The following COL25A1 variants were observed in gnomAD, a reference collection of about 807,000 sequenced individuals.
COL25A1 encodes collagen type XXV alpha 1 chain, also known as collagen alpha-1(XXV) chain.
COL25A1 carries 103 observed loss-of-function variants against 128.4 expected under a neutral mutation model. The observed-to-expected ratio is 0.80, with a 90% confidence interval of 0.68 to 0.94. The LOEUF is 0.94. Among genes scored for constraint, COL25A1 ranks in the 40% least tolerant of loss-of-function variants. COL25A1 has a pLI of 0.00. For missense variants in COL25A1, 745 were observed against 840.0 expected, an observed-to-expected ratio of 0.89 and a Z score of 1.40; for synonymous variants, 279 against 277.2, an observed-to-expected ratio of 1.01 and a Z score of -0.06.
intron 5 of COL25A1, among the ~76,000 whole-genome samples, chr4:109,013,865 G>A (rs1037390892): frequency 6.6e-6 from 1 of 152,168 alleles, no homozygotes; most frequent in Non-Finnish European, 1.5e-5. Flanking sequence ...CTTCATTCTT[G>A]AAGTCAGTGA....
rs1260905150 is a variant in COL25A1 at position 108,810,836 on chromosome 4, A to G, written c.*3091T>C. ...AACTTTAAAAATAAAATAACACACT[A>G]ATGATTTAGGAATGCTATTAAACAG... is the stretch of plus-strand genomic sequence containing the variant. On this transcript the variant is annotated 3_prime_UTR_variant, in exon 38 of 38. Transcript: ENST00000399132. 3 of 152,040 alleles carry G rather than the reference A, an allele frequency of 2.0e-5. No individual in the cohort carries two copies. Among genetic ancestry groups the G allele is most frequent in the Non-Finnish European group, 4.4e-5 (3 of 67,898 alleles). 9.4% of individuals were successfully genotyped at this position (152,040 alleles called of 1,614,324 possible). A position where few individuals can be genotyped will look rare whatever the true frequency, so the allele number is the denominator to read the frequency against.
At chr4:109,088,285 T>G (rs4328983) in intron 3 of COL25A1, among the ~76,000 whole-genome samples, 35,168 of 151,950 alleles carry the variant, frequency 0.23, 5,254 homozygotes, top group African/African-American at 0.41. Context: ...AGTAATTATG[T>G]CTCCACAGTG....
intron 18 of COL25A1, among the ~76,000 whole-genome samples, 158 bp downstream of exon 18, chr4:108,889,063 C>A (rs1741148290): frequency 6.6e-6 from 1 of 152,168 alleles, no homozygotes; most frequent in African/African-American, 2.4e-5. Context: ...TGGTCATCAT[C>A]AAGACCTTTT....
intron 8 of COL25A1, among the ~76,000 whole-genome samples, chr4:108,962,008 A>G (rs1474157788): frequency 6.6e-6 from 1 of 152,202 alleles, no homozygotes; most frequent in Non-Finnish European, 1.5e-5. Context: ...TTTTGAAGAC[A>G]TCGCAAATGA....
chr4:108,988,563 A>G (rs1578997129), intron 6 of COL25A1, among the ~76,000 whole-genome samples: 2 of 152,174 alleles, frequency 1.3e-5, no homozygotes, highest in East Asian at 3.9e-4. Context: ...ATTCAATGAA[A>G]TGTTTTTCTC....
chr4:108,988,393 T>C (rs901459226), intron 6 of COL25A1, among the ~76,000 whole-genome samples: 1 of 152,216 alleles, frequency 6.6e-6, no homozygotes, highest in African/African-American at 2.4e-5. Flanking sequence ...GTATCCAACA[T>C]GCTTCCAATG....
In COL25A1 at chr4:109,301,879, C is replaced by G. The variant is rs777970580; in HGVS notation, c.141G>C (p.Val47=). The part of the protein sequence containing the change: ...LAALLSVVAV[V]SCLYLGVKTN... The stretch of plus-strand genomic sequence containing the variant: ...TTTTCACACCCAGGTACAGGCAAGA[C>G]ACCACGGCCACCACTGACAGGAGGG... Residue 47 remains valine, a synonymous_variant, in exon 2 of 38, where the codon GTG becomes GTC. Transcript: ENST00000399132. 4 of 1,614,090 alleles carry G rather than the reference C, an allele frequency of 2.5e-6. No homozygotes were observed. In the African/African-American group the frequency reaches 5.3e-5, roughly 22 times the overall value.
intron 3 of COL25A1, among the ~76,000 whole-genome samples, chr4:109,182,692 T>C (rs1774772707): frequency 6.6e-6 from 1 of 152,066 alleles, no homozygotes; most frequent in Non-Finnish European, 1.5e-5. Context: ...AATCTTCCTA[T>C]TAAACAAAAC....
chr4:108,962,239 G>A (rs1178594896), intron 8 of COL25A1, among the ~76,000 whole-genome samples: 1 of 149,208 alleles, frequency 6.7e-6, no homozygotes, highest in African/African-American at 2.5e-5. Flanking sequence ...CCAGGATGGA[G>A]TGCAGTGGCA....
At chr4:108,971,185 T>G (rs1751875431) in intron 8 of COL25A1, among the ~76,000 whole-genome samples, 1 of 152,202 alleles carries the variant, frequency 6.6e-6, no homozygotes, top group African/African-American at 2.4e-5. Flanking sequence ...GGATATAACA[T>G]ATAACCACAC....
intron 3 of COL25A1, among the ~76,000 whole-genome samples, chr4:109,067,702 A>G (rs1304832897): frequency 2.0e-5 from 3 of 152,192 alleles, no homozygotes; most frequent in Admixed American, 2.0e-4. Flanking sequence ...TGAAAGTAAT[A>G]TCTCCCTCAA....
chr4:109,017,200 G>A (rs1399968636), intron 5 of COL25A1, among the ~76,000 whole-genome samples: 4 of 152,222 alleles, frequency 2.6e-5, no homozygotes, highest in Admixed American at 1.3e-4. Flanking sequence ...ATCTGTGACA[G>A]TACCTGGAGC....
intron 3 of COL25A1, among the ~76,000 whole-genome samples, chr4:109,278,290 T>C (rs1723039969): frequency 6.6e-6 from 1 of 152,230 alleles, no homozygotes; most frequent in African/African-American, 2.4e-5. Flanking sequence ...TATGTAGCTT[T>C]ATAAATGTTC....
At chr4:108,844,590 A>G in intron 29 of COL25A1, 21 bp from the exon 30 acceptor site, 1 of 1,607,218 alleles carries the variant, frequency 6.2e-7, no homozygotes, top group Non-Finnish European at 8.5e-7. Flanking sequence ...AAAAAATAAA[A>G]ATGTATTTGG....
At chr4:109,206,634 G>A (rs566844555) in intron 3 of COL25A1, among the ~76,000 whole-genome samples, 1 of 152,156 alleles carries the variant, frequency 6.6e-6, no homozygotes, top group Admixed American at 6.6e-5. Flanking sequence ...GCTCTATTTG[G>A]CCATCTTCAG....
intron 31 of COL25A1, among the ~76,000 whole-genome samples, chr4:108,836,543 T>C (rs551659503): frequency 7.9e-5 from 12 of 152,030 alleles, no homozygotes; most frequent in Admixed American, 7.9e-4. Context: ...TAAAATATTT[T>C]TAAAAATAAA....
At chr4:109,298,805 A>G (rs550896276) in intron 3 of COL25A1, among the ~76,000 whole-genome samples, 1 of 152,206 alleles carries the variant, frequency 6.6e-6, no homozygotes, top group Non-Finnish European at 1.5e-5. Flanking sequence ...GGAAGCTGCC[A>G]GGTAAAAACT....
intron 5 of COL25A1, among the ~76,000 whole-genome samples, chr4:109,020,515 G>T (rs955629577): frequency 7.3e-6 from 1 of 136,732 alleles, no homozygotes; most frequent in Non-Finnish European, 1.6e-5. Flanking sequence ...ATGGGGGGGG[G>T]GGGGTTCAAC....
intron 32 of COL25A1, among the ~76,000 whole-genome samples, chr4:108,828,294 C>A (rs1177647515): frequency 1.3e-5 from 2 of 152,100 alleles, no homozygotes; most frequent in Non-Finnish European, 2.9e-5. Context: ...CCCGCCACGC[C>A]TGGCCAATTT....
Sources: gnomAD v4.1 joint callset for allele counts (sites outside exome capture counted in the v4.1 genomes callset) on GRCh38, gnomAD v4.1.1 for gene constraint, MANE v1.5 for transcripts, NCBI Gene and HGNC (gene_info 2026-07-23, HGNC 2026-07-21) for gene names.